TIAM1: variants seen among roughly 807,000 people sequenced by gnomAD.
The protein encoded by TIAM1 is TIAM Rac1 associated GEF 1.
In TIAM1, 65 loss-of-function variants were observed where a neutral mutation model predicts 163.5. The ratio of observed to expected loss-of-function variants is 0.40; its 90% CI spans 0.33 to 0.49. The LOEUF is 0.49. TIAM1 is among the 20% of genes least tolerant of loss of function. The pLI, the probability that TIAM1 is intolerant of heterozygous loss-of-function variation, is 0.77. For synonymous variants in TIAM1, 833 were observed against 810.1 expected (o/e 1.03, Z -0.48); for missense variants, 1,789 against 2,044.7 (o/e 0.87, Z 2.41).
intron 2 of TIAM1, among the ~76,000 whole-genome samples, chr21:31,313,181 T>C (rs1056307339): frequency 2.0e-4 from 31 of 152,380 alleles, no homozygotes; most frequent in Admixed American, 1.8e-3. Flanking sequence ...AGAATGTGAA[T>C]ACATTTATTT....
chr21:31,204,868 C>A (rs2086369447), intron 11 of TIAM1, among the ~76,000 whole-genome samples: 1 of 152,136 alleles, frequency 6.6e-6, no homozygotes, highest in African/African-American at 2.4e-5. Flanking sequence ...TCTTGGGAAC[C>A]CCAACCTTTC....
At chr21:31,185,422 G>GC (rs1330608861) in intron 14 of TIAM1, among the ~76,000 whole-genome samples, 5 of 130,958 alleles carry the variant, frequency 3.8e-5, no homozygotes, top group Admixed American at 8.1e-5. Flanking sequence ...ATATAATTAT[G>GC]TTATATAATT....
chr21:31,210,076 G>A lies in TIAM1; in HGVS notation c.2357C>T (p.Thr786Ile). 1.2e-6 allele frequency: 2 copies of A among 1,614,162 alleles called. No homozygotes were observed. Among genetic ancestry groups the A allele is most frequent in the Middle Eastern group, 1.7e-4 (1 of 6,052 alleles). ...AATCAGCTCCAGGGTGTCCCGTGCAGTGTCGCCTGGCCGGACGACCGTCAG... is the reference window on the plus strand; with the variant it reads ...AATCAGCTCCAGGGTGTCCCGTGCAATGTCGCCTGGCCGGACGACCGTCAG... ...PALTVVRPGD[T>I]ARDTLELICK... is the part of the protein sequence containing the mutation. The change falls in exon 11 of 28, where the codon ACT (threonine) becomes ATT (isoleucine). Residue 786 changes from threonine (T) to isoleucine (I), a missense_variant. Coordinates refer to ENST00000541036, the MANE Select transcript of TIAM1 (RefSeq NM_001353694.2).
intron 17 of TIAM1, 123 bp downstream of exon 17, chr21:31,154,124 G>T: frequency 3.4e-6 from 4 of 1,161,144 alleles, no homozygotes; most frequent in Non-Finnish European, 4.7e-6. Flanking sequence ...CAAAATTCCA[G>T]GAGAAACCAA....
chr21:31,410,718 C>T (rs993818193), intron 2 of TIAM1, among the ~76,000 whole-genome samples: 2 of 150,998 alleles, frequency 1.3e-5, no homozygotes, highest in African/African-American at 4.9e-5. Context: ...GAGAGAGACA[C>T]AGAGAGAAAG....
intron 4 of TIAM1, among the ~76,000 whole-genome samples, chr21:31,263,154 T>C (rs901958337): frequency 6.6e-6 from 1 of 152,152 alleles, no homozygotes; most frequent in Admixed American, 6.5e-5. Flanking sequence ...ACTCAACATA[T>C]AAAGTCAATA....
chr21:31,296,423 A>G (rs959645474), intron 2 of TIAM1, among the ~76,000 whole-genome samples: 7 of 152,226 alleles, frequency 4.6e-5, no homozygotes, highest in African/African-American at 1.4e-4. Flanking sequence ...GACTTCCCCA[A>G]CGGAGCCCCA....
At chr21:31,129,450 G>A (rs908373461) in intron 25 of TIAM1, among the ~76,000 whole-genome samples, 11 of 152,214 alleles carry the variant, frequency 7.2e-5, no homozygotes, top group Non-Finnish European at 1.2e-4. Flanking sequence ...AGGCCAAGGC[G>A]GGAGGCTTGC....
At chr21:31,257,373 T>G (rs1204183872) in intron 4 of TIAM1, among the ~76,000 whole-genome samples, 2 of 152,142 alleles carry the variant, frequency 1.3e-5, no homozygotes, top group Non-Finnish European at 2.9e-5. Flanking sequence ...GATTCCAAAG[T>G]AAGTTGGCAA....
intron 19 of TIAM1, among the ~76,000 whole-genome samples, chr21:31,151,470 T>C (rs576927370): frequency 6.6e-6 from 1 of 152,234 alleles, no homozygotes; most frequent in East Asian, 1.9e-4. Context: ...GAAAAACGGG[T>C]ACTTGGTATG....
intron 11 of TIAM1, among the ~76,000 whole-genome samples, chr21:31,204,873 C>T (rs911423193): frequency 2.6e-5 from 4 of 152,218 alleles, no homozygotes; most frequent in Admixed American, 6.5e-5. Context: ...GGAACCCCAA[C>T]CTTTCTCCTC....
chr21:31,184,306 A>C (rs570599561), intron 14 of TIAM1, among the ~76,000 whole-genome samples: 4 of 152,174 alleles, frequency 2.6e-5, no homozygotes, highest in Non-Finnish European at 4.4e-5. Flanking sequence ...GGGTTTCACC[A>C]TGTTAGCCAG....
chr21:31,522,459 G>A (rs560437821), intron 1 of TIAM1, among the ~76,000 whole-genome samples: 4 of 150,728 alleles, frequency 2.7e-5, no homozygotes, highest in Admixed American at 6.6e-5. Flanking sequence ...GCGGTGAGCC[G>A]AGATCGCACC....
intron 2 of TIAM1, among the ~76,000 whole-genome samples, chr21:31,376,088 T>C (rs1461683089): frequency 6.6e-6 from 1 of 152,160 alleles, no homozygotes; most frequent in Non-Finnish European, 1.5e-5. Context: ...AATTGCTATG[T>C]ATATGCTTAA....
chr21:31,533,672 G>A (rs920629808), intron 1 of TIAM1, among the ~76,000 whole-genome samples: 1 of 152,162 alleles, frequency 6.6e-6, no homozygotes, highest in Non-Finnish European at 1.5e-5. Context: ...GTTTGAGGCT[G>A]CACGAGCTGT....
chr21:31,505,439 A>T (rs770929328), intron 1 of TIAM1, among the ~76,000 whole-genome samples: 1 of 152,238 alleles, frequency 6.6e-6, no homozygotes, highest in African/African-American at 2.4e-5. Flanking sequence ...CAAGAAAAAA[A>T]AAAGTAAATG....
At chr21:31,413,402 TG>T (rs1369233587) in intron 2 of TIAM1, among the ~76,000 whole-genome samples, 1 of 151,544 alleles carries the variant, frequency 6.6e-6, no homozygotes, top group Non-Finnish European at 1.5e-5. Context: ...CCCAAGTAGC[TG>T]GGACTACAGG....
In TIAM1 at chr21:31,301,478, T is replaced by C. The variant is rs543387429; in HGVS notation, c.-188-24570A>G. Among the ~76,000 whole-genome samples the C allele has an allele frequency of 1.7e-4, 26 of 152,284 alleles. 1 individual carries two copies. In the South Asian group the frequency reaches 3.5e-3, roughly 21 times the overall value. ...TAGGTAAATTAATCAAAACATAGAA[T>C]AAATAGGTAGTTATCCATCCATGCT... On this transcript the variant is annotated intron_variant, in intron 2 of 27. Transcript: ENST00000541036.
rs949939204 is a variant in TIAM1 at position 31,120,746 on chromosome 21, G to T, written c.4398C>A (p.Ser1466Arg). The change falls in exon 28 of 28, where the codon AGC becomes AGA. Residue 1466 changes from serine to arginine, a missense_variant. Physicochemically the swap from Ser to Arg is moderately radical, Grantham distance 110. Around this residue, in one of 5 missense-constraint regions of TIAM1, gnomAD observed 415 missense variants for 439.2 expected, o/e 0.94. Transcript: ENST00000541036. This position sits in a 1 kb window ranked among gnomAD's most constrained non-coding sequence, Gnocchi z 4.2. ...TIDSDAVSAS[S>R]PEKESQQPPG... ...GGGGCTGCTGGGACTCTTTCTCCGG[G>T]CTGCTTGCGGAGACGGCATCAGAAT... 2 of 1,614,056 alleles carry T rather than the reference G, an allele frequency of 1.2e-6. No homozygotes were observed. The highest frequency in any genetic ancestry group is 3.3e-5 in the Admixed American group (2 of 60,026).
Sources: gnomAD v4.1 joint callset for allele counts (sites outside exome capture counted in the v4.1 genomes callset) on GRCh38, gnomAD v4.1.1 for gene constraint, gnomAD v4.1.1 regional missense constraint, Gnocchi (gnomAD v3.1) non-coding constraint, MANE v1.5 for transcripts, NCBI Gene and HGNC (gene_info 2026-07-23, HGNC 2026-07-21) for gene names.